ARHGAP44: variants seen among roughly 807,000 people sequenced by gnomAD.
ARHGAP44 encodes the protein Rho GTPase activating protein 44.
ARHGAP44 carries 43 observed loss-of-function variants against 106.8 expected under a neutral mutation model. The observed-to-expected ratio is 0.40, with a 90% confidence interval of 0.32 to 0.52. ARHGAP44 has a LOEUF of 0.52. Among genes scored for constraint, ARHGAP44 ranks in the 20% least tolerant of loss-of-function variants. The pLI, the probability that ARHGAP44 is intolerant of heterozygous loss-of-function variation, is 0.48. For synonymous variants in ARHGAP44, 439 were observed against 410.3 expected (o/e 1.07, Z -0.85); for missense variants, 866 against 1,050.5 (o/e 0.82, Z 2.43).
In ARHGAP44 at chr17:12,984,637, C is replaced by A; in HGVS notation, c.2046C>A (p.Thr682=). The stretch of plus-strand genomic sequence containing the variant: ...CGTCCCCAGTCAGCCTGTCCCCCAC[C>A]CCGCCCAGCACCCCGTCACCCTATG... ...GQPSPVSLSP[T]PPSTPSPYGL... is the part of the protein sequence containing the mutation. The change falls in exon 20 of 21, where the codon ACC becomes ACA. Residue 682 remains threonine (T), a synonymous_variant. Transcript: ENST00000379672. 2 of 1,612,626 alleles carry A rather than the reference C, an allele frequency of 1.2e-6. No individual in the cohort carries two copies. The highest frequency in any genetic ancestry group is 1.7e-6 in the Non-Finnish European group (2 of 1,179,594).
intron 16 of ARHGAP44, among the ~76,000 whole-genome samples, chr17:12,962,080 AATATAT>A (rs201834415): frequency 1.3e-5 from 2 of 150,390 alleles, no homozygotes; most frequent in Non-Finnish European, 1.5e-5. Context: ...GTTAAAAAAA[AATATAT>A]ATATATATGA....
At chr17:12,962,386 A>G (rs1269898221) in intron 16 of ARHGAP44, among the ~76,000 whole-genome samples, 1 of 152,214 alleles carries the variant, frequency 6.6e-6, no homozygotes, top group Admixed American at 6.5e-5. Context: ...TCATTGTGGT[A>G]GGTAAAATAA....
At chr17:12,855,218 C>T (rs888819724) in intron 1 of ARHGAP44, among the ~76,000 whole-genome samples, 18 of 152,088 alleles carry the variant, frequency 1.2e-4, no homozygotes, top group Admixed American at 3.3e-4. Flanking sequence ...ACCTGGGCAA[C>T]ATAGTGAGAC....
chr17:12,974,272 A>T lies in ARHGAP44; in HGVS notation c.1725A>T (p.Pro575=). Residue 575 remains proline, a synonymous_variant, in exon 18 of 21, where the codon CCA becomes CCT. Transcript: ENST00000379672. ...LDSPAAPALS[P]SGLGLQPGPE... is the part of the protein sequence containing the mutation. ...GCCCCGCGGCCCCCGCGCTCTCTCC[A>T]TCCGGCCTGGGCCTCCAGCCTGGGC... 3 of 1,498,234 alleles carry T rather than the reference A, an allele frequency of 2.0e-6. No individual in the cohort carries two copies. Among genetic ancestry groups the T allele is most frequent in the East Asian group, 2.7e-5 (1 of 37,508 alleles). 92.8% of individuals were successfully genotyped at this position (1,498,234 alleles called of 1,614,324 possible).
At chr17:12,941,009 T>C (rs1267060322) in intron 7 of ARHGAP44, 47 bp from the exon 8 acceptor site, 41 of 1,558,806 alleles carry the variant, frequency 2.6e-5, no homozygotes, top group Non-Finnish European at 3.5e-5. Flanking sequence ...TTAGCCACTC[T>C]CCATTGGTTT....
chr17:12,924,121 T>C (rs1226923077), intron 6 of ARHGAP44, among the ~76,000 whole-genome samples: 2 of 152,234 alleles, frequency 1.3e-5, no homozygotes, highest in Middle Eastern at 3.2e-3. Flanking sequence ...TAGATTTGTA[T>C]ATATTATCAG....
rs534197445 is a variant in ARHGAP44, at chr17:12,943,416, T to C, written c.652-172T>C. On this transcript the variant is annotated intron_variant, in intron 8 of 20. Transcript: ENST00000379672. Reference sequence around the variant, plus strand: ...GTTTCCACTTGTAGTGACTTTGTTGTTATGGAGGCTAAAGAGGAAGCATGC... The same window carrying C: ...GTTTCCACTTGTAGTGACTTTGTTGCTATGGAGGCTAAAGAGGAAGCATGC... 3.9e-5 allele frequency among the ~76,000 whole-genome samples: 6 copies of C among 152,306 alleles called. No homozygotes were observed. In the South Asian group the frequency reaches 6.2e-4, roughly 16 times the overall value.
intron 19 of ARHGAP44, among the ~76,000 whole-genome samples, chr17:12,983,264 TAAAAA>T (rs56038306): frequency 3.1e-5 from 3 of 95,850 alleles, no homozygotes; most frequent in African/African-American, 1.2e-4. Flanking sequence ...GACTCCATCT[TAAAAA>T]AAAAAAAAAA....
At chr17:12,900,572 G>A (rs76317656) in intron 3 of ARHGAP44, among the ~76,000 whole-genome samples, 13,175 of 152,216 alleles carry the variant, frequency 0.087, 731 homozygotes, top group Middle Eastern at 0.14. Context: ...GCTACCGTGT[G>A]GAAGTGTTTC....
intron 4 of ARHGAP44, among the ~76,000 whole-genome samples, chr17:12,912,201 CAT>C (rs1369803005): frequency 6.6e-6 from 1 of 152,030 alleles, no homozygotes; most frequent in East Asian, 1.9e-4. Flanking sequence ...GGGAAGATAA[CAT>C]GTCCATGAAA....
chr17:12,870,048 C>CTTTTTTTT lies in ARHGAP44; in HGVS notation c.54-24881_54-24874dup, dbSNP rs3074688. 7.1e-5 allele frequency among the ~76,000 whole-genome samples: 8 copies of CTTTTTTTT among 113,092 alleles called. No individual in the cohort carries two copies. The South Asian group carries it at 8.9e-4, about 13-fold the overall frequency. The allele number at this position is 113,092 out of a possible 152,430, so 74.2% of individuals were successfully genotyped here. A position where few individuals can be genotyped will look rare whatever the true frequency, so the allele number is the denominator to read the frequency against. On this transcript the variant is annotated intron_variant, in intron 1 of 20. Coordinates refer to ENST00000379672, the MANE Select transcript of ARHGAP44 (RefSeq NM_014859.6). ...ATTATTTCTTGTCAACAAATACCGT[C>CTTTTTTTT]TTTTTTTTTTTTTTTTTTGAGATAG...
At position 12,982,566 on chromosome 17, in the gene ARHGAP44, C is replaced by T. The variant is rs984042828; in HGVS notation, c.1940-1965C>T. On this transcript the variant is annotated intron_variant, in intron 19 of 20. Transcript: ENST00000379672. ...CTGCCATGAGCTGCAGTAGCAGCTG[C>T]TGGAAGCACTTCCCCTGTACTCAGG... 3.9e-5 allele frequency: 6 copies of T among 152,158 alleles called. No homozygotes were observed. The South Asian group carries it at 1.2e-3, about 32-fold the overall frequency. 9.4% of individuals were successfully genotyped at this position (152,158 alleles called of 1,614,324 possible). A position where few individuals can be genotyped will look rare whatever the true frequency, so the allele number is the denominator to read the frequency against.
intron 1 of ARHGAP44, among the ~76,000 whole-genome samples, chr17:12,825,194 G>T (rs2034882807): frequency 6.6e-6 from 1 of 151,850 alleles, no homozygotes; most frequent in East Asian, 1.9e-4. Flanking sequence ...ATGCTACCAT[G>T]CCCAGCTAAA....
chr17:12,892,630 C>A (rs1598008789), intron 1 of ARHGAP44, among the ~76,000 whole-genome samples: 2 of 151,676 alleles, frequency 1.3e-5, no homozygotes, highest in South Asian at 4.2e-4. Context: ...AATATTTGAT[C>A]TTTTGTTATA....
rs570282606 is a variant in ARHGAP44 at position 12,855,255 on chromosome 17, T to TAAAC, written c.54-39673_54-39670dup. Among the ~76,000 whole-genome samples the TAAAC allele has an allele frequency of 8.3e-3, 1,261 of 152,194 alleles. 5 individuals carry two copies. The highest frequency in any genetic ancestry group is 0.013 in the Non-Finnish European group (910 of 67,986). On this transcript the variant is annotated intron_variant, in intron 1 of 20. Coordinates refer to ENST00000379672, the MANE Select transcript of ARHGAP44 (RefSeq NM_014859.6). ...CCCATCTCTAAAGATAATAAATAAA[T>TAAAC]AAACAAACAAACAAATAAACCCTAC...
Position 12,958,935 on chromosome 17 carries a change from G to A in ARHGAP44, c.1523+38G>A, listed in dbSNP as rs1466681735. On this transcript the variant is annotated intron_variant, in intron 16 of 20. Coordinates refer to ENST00000379672, the MANE Select transcript of ARHGAP44 (RefSeq NM_014859.6). The surrounding 1 kb of genome is among the most constrained non-coding windows in gnomAD (Gnocchi z 4.1). ...GTCTCTTTCTCAGCACTGGGGATTA[G>A]GGGAGGTGGTGGGGGTGGATGGGTG... 6.3e-7 allele frequency: 1 copy of A among 1,578,576 alleles called. No individual in the cohort carries two copies. The highest frequency in any genetic ancestry group is 8.6e-7 in the Non-Finnish European group (1 of 1,161,418).
chr17:12,871,313 C>T (rs1028337482), intron 1 of ARHGAP44, among the ~76,000 whole-genome samples: 3 of 152,082 alleles, frequency 2.0e-5, no homozygotes, highest in East Asian at 3.9e-4. Flanking sequence ...TGAATGGTTT[C>T]GCACCATCCC....
chr17:12,977,271 T>C lies in ARHGAP44; in HGVS notation c.1764-2787T>C, dbSNP rs917178117. Reference sequence around the variant, plus strand: ...CTCTCCCCGCATGGGTTTCTCCCAGTACAAACAGGTGTTCCATTGTTTTTG... The same window carrying C: ...CTCTCCCCGCATGGGTTTCTCCCAGCACAAACAGGTGTTCCATTGTTTTTG... On this transcript the variant is annotated intron_variant, in intron 18 of 20. Coordinates refer to ENST00000379672, the MANE Select transcript of ARHGAP44 (RefSeq NM_014859.6). 2.6e-5 allele frequency among the ~76,000 whole-genome samples: 4 copies of C among 152,240 alleles called. No homozygotes were observed. In the East Asian group the frequency reaches 7.7e-4, roughly 29 times the overall value.
intron 1 of ARHGAP44, among the ~76,000 whole-genome samples, chr17:12,885,040 A>G (rs150397103): frequency 0.023 from 3,497 of 152,216 alleles, 69 homozygotes; most frequent in Non-Finnish European, 0.034. Context: ...AGCTGGGACT[A>G]CAGGCACCCA....
Sources: allele counts gnomAD v4.1 joint callset (sites outside exome capture counted in the v4.1 genomes callset), GRCh38; gene constraint gnomAD v4.1.1; non-coding constraint Gnocchi (gnomAD v3.1); transcripts MANE v1.5; gene names NCBI Gene and HGNC (gene_info 2026-07-23, HGNC 2026-07-21).